GRM8: variants seen among roughly 807,000 people sequenced by gnomAD.
The protein encoded by GRM8 is metabotropic glutamate receptor 8.
GRM8 carries 47 observed loss-of-function variants against 87.2 expected under a neutral mutation model. The observed-to-expected ratio is 0.54, with a 90% CI of 0.43 to 0.69. The LOEUF (loss-of-function observed/expected upper bound fraction) is 0.69. GRM8 is among the 30% of genes least tolerant of loss of function. The pLI, the probability that GRM8 is intolerant of heterozygous loss-of-function variation, is 0.00. For missense variants in GRM8, 1,019 were observed against 1,139.2 expected (o/e 0.89, Z 1.52); for synonymous variants, 396 against 404.5 (o/e 0.98, Z 0.25).
intron 9 of GRM8, among the ~76,000 whole-genome samples, chr7:126,515,886 G>A (rs372029740): frequency 6.6e-6 from 1 of 151,960 alleles, no homozygotes; most frequent in African/African-American, 2.4e-5. Flanking sequence ...TATATTCACA[G>A]GTTCTGGTGA....
At chr7:126,652,705 G>C (rs544901794) in intron 7 of GRM8, among the ~76,000 whole-genome samples, 1 of 152,236 alleles carries the variant, frequency 6.6e-6, no homozygotes, top group Admixed American at 6.5e-5. Flanking sequence ...GCTCAAACTG[G>C]CTTCCTTGCT....
chr7:126,522,536 A>G (rs1168042157), intron 9 of GRM8, among the ~76,000 whole-genome samples: 1 of 152,190 alleles, frequency 6.6e-6, no homozygotes, highest in African/African-American at 2.4e-5. Flanking sequence ...CCCACACTGG[A>G]AAATACTTTT....
intron 9 of GRM8, among the ~76,000 whole-genome samples, chr7:126,489,654 C>A (rs995143780): frequency 2.6e-5 from 4 of 151,884 alleles, no homozygotes; most frequent in African/African-American, 9.7e-5. Flanking sequence ...AAGGTTTTAC[C>A]CTCATCCACA....
intron 7 of GRM8, among the ~76,000 whole-genome samples, chr7:126,768,533 T>G (rs1818458508): frequency 1.3e-5 from 2 of 151,792 alleles, no homozygotes; most frequent in African/African-American, 4.8e-5. Flanking sequence ...AAGGGTTAGG[T>G]TTTGATCATG....
At chr7:127,156,181 A>G (rs1389869347) in intron 2 of GRM8, among the ~76,000 whole-genome samples, 2 of 152,206 alleles carry the variant, frequency 1.3e-5, no homozygotes, top group African/African-American at 4.8e-5. Context: ...GTGAGTGGAT[A>G]GGCTGGGGCT....
At chr7:126,559,137 T>G (rs1019787180) in intron 8 of GRM8, among the ~76,000 whole-genome samples, 34 of 148,890 alleles carry the variant, frequency 2.3e-4, no homozygotes, top group African/African-American at 8.4e-4. Context: ...TGTCAGCTAC[T>G]GGTAATCTTT....
intron 6 of GRM8, among the ~76,000 whole-genome samples, chr7:126,830,916 C>T (rs1795300339): frequency 6.6e-6 from 1 of 152,208 alleles, no homozygotes; most frequent in Admixed American, 6.5e-5. Context: ...AGCTTTCCTT[C>T]TAACAGACAG....
intron 2 of GRM8, among the ~76,000 whole-genome samples, chr7:127,132,777 G>T (rs534864131): frequency 1.3e-5 from 2 of 152,140 alleles, no homozygotes. Context: ...AAAGGGTCTG[G>T]GCACTCTAGG....
chr7:126,704,862 C>T (rs377055747), intron 7 of GRM8, among the ~76,000 whole-genome samples: 6 of 152,120 alleles, frequency 3.9e-5, no homozygotes, highest in Non-Finnish European at 7.4e-5. Flanking sequence ...AATTTCACCC[C>T]GTCCTGTCCT....
chr7:126,694,864 C>A (rs1450314791), intron 7 of GRM8, among the ~76,000 whole-genome samples: 2 of 152,156 alleles, frequency 1.3e-5, no homozygotes, highest in East Asian at 3.8e-4. Context: ...CAAGTCCAGC[C>A]AGAGGCATTT....
intron 3 of GRM8, among the ~76,000 whole-genome samples, chr7:127,069,426 A>T (rs1006834726): frequency 3.9e-5 from 6 of 152,212 alleles, no homozygotes; most frequent in Admixed American, 3.9e-4. Context: ...GGCCTCCCAA[A>T]GTGCTGGGAT....
chr7:127,193,754 G>A (rs932472905), intron 2 of GRM8, among the ~76,000 whole-genome samples: 2 of 152,164 alleles, frequency 1.3e-5, no homozygotes, highest in South Asian at 4.1e-4. Flanking sequence ...CACAGTTTAG[G>A]AAACTGCTTT....
intron 3 of GRM8, among the ~76,000 whole-genome samples, chr7:126,910,514 T>C (rs1203522007): frequency 2.0e-5 from 3 of 152,018 alleles, no homozygotes; most frequent in Admixed American, 6.6e-5. Context: ...GGGGAACAAA[T>C]AGCTACATGT....
At chr7:126,616,842 T>C (rs1304579682) in intron 7 of GRM8, among the ~76,000 whole-genome samples, 1 of 152,162 alleles carries the variant, frequency 6.6e-6, no homozygotes, top group African/African-American at 2.4e-5. Context: ...CTTGAATCCC[T>C]GAACAGACCA....
At chr7:126,595,494 C>T (rs1006615775) in intron 8 of GRM8, among the ~76,000 whole-genome samples, 3 of 150,632 alleles carry the variant, frequency 2.0e-5, no homozygotes, top group African/African-American at 4.9e-5. Context: ...CTCAAACTCC[C>T]GGACTCAAGT....
At chr7:127,001,688 G>A (rs1813740952) in intron 3 of GRM8, among the ~76,000 whole-genome samples, 1 of 151,444 alleles carries the variant, frequency 6.6e-6, no homozygotes, top group South Asian at 2.1e-4. Context: ...TCTGCCATAT[G>A]ACCCAACAAT....
chr7:127,025,925 A>G (rs1486847890), intron 3 of GRM8, among the ~76,000 whole-genome samples: 1 of 152,110 alleles, frequency 6.6e-6, no homozygotes, highest in Non-Finnish European at 1.5e-5. Context: ...ATAGGTATAC[A>G]TGTACCATGT....
At chr7:126,957,008 A>T (rs1808764219) in intron 3 of GRM8, among the ~76,000 whole-genome samples, 1 of 152,202 alleles carries the variant, frequency 6.6e-6, no homozygotes, top group South Asian at 2.1e-4. Context: ...CTAGGTAACA[A>T]ATCAGAAGCC....
intron 6 of GRM8, among the ~76,000 whole-genome samples, chr7:126,879,129 C>T (rs1163699181): frequency 6.9e-6 from 1 of 144,900 alleles, no homozygotes; most frequent in Non-Finnish European, 1.5e-5. Context: ...CGCCATTGCA[C>T]TCCAGCCTGG....
Sources: allele counts gnomAD v4.1 joint callset (sites outside exome capture counted in the v4.1 genomes callset), GRCh38; gene constraint gnomAD v4.1.1; transcripts MANE v1.5; gene names NCBI Gene and HGNC (gene_info 2026-07-23, HGNC 2026-07-21).